The following ARPC2 variants were observed in gnomAD, a reference collection of about 807,000 sequenced individuals.
ARPC2 encodes the protein actin related protein 2/3 complex subunit 2, also known as actin-related protein 2/3 complex subunit 2.
Under a neutral mutation model 38.6 loss-of-function variants are expected in ARPC2, and 4 were observed. That is an observed-to-expected ratio of 0.10 (90% CI 0.05 to 0.24). The LOEUF (loss-of-function observed/expected upper bound fraction) is 0.24, where lower values mean the gene tolerates loss of function less well. ARPC2 is among the 10% of genes least tolerant of loss of function. ARPC2 has a pLI of 1.00. For synonymous variants in ARPC2, 125 were observed against 140.8 expected (o/e 0.89, Z 0.79); for missense variants, 229 against 387.3 (o/e 0.59, Z 3.43).
chr2:218,251,910 T>C (rs916031550), intron 10 of ARPC2, among the ~76,000 whole-genome samples: 3 of 151,844 alleles, frequency 2.0e-5, no homozygotes, highest in Non-Finnish European at 4.4e-5. Context: ...TAGGTGAGGG[T>C]TTTCAGACAT....
chr2:218,242,157 G>C (rs901397623), intron 7 of ARPC2, among the ~76,000 whole-genome samples: 2 of 152,152 alleles, frequency 1.3e-5, no homozygotes, highest in Non-Finnish European at 1.5e-5. Flanking sequence ...GGCTCTGAGG[G>C]ATGCTTTCTA....
chr2:218,235,065 T>C (rs1184421346), intron 5 of ARPC2: 1 of 282,694 alleles, frequency 3.5e-6, no homozygotes, highest in Non-Finnish European at 7.1e-6. Context: ...CATTGGAACA[T>C]AATATTTTTT....
At chr2:218,227,893 C>T (rs113541141) in intron 3 of ARPC2, among the ~76,000 whole-genome samples, 8 of 152,242 alleles carry the variant, frequency 5.3e-5, no homozygotes, top group East Asian at 1.9e-4. Context: ...CCACTGTGCC[C>T]GGCCTTGACT....
chr2:218,253,961 C>T lies in ARPC2; in HGVS notation c.*46C>T, dbSNP rs750992729. The T allele has an allele frequency of 6.2e-7, 1 of 1,610,680 alleles. No homozygotes were observed. Among genetic ancestry groups the T allele is most frequent in the Non-Finnish European group, 8.5e-7 (1 of 1,177,048 alleles). ...AGCGGCTGGCAACTGAAGGCTGGAA[C>T]ACTTGCTACTGGATAATCGTAGCTT... On this transcript the variant is annotated 3_prime_UTR_variant, in exon 11 of 11. Coordinates refer to ENST00000315717, the MANE Select transcript of ARPC2 (RefSeq NM_152862.3).
intron 9 of ARPC2, 52 bp downstream of exon 9, chr2:218,249,516 C>A: frequency 1.5e-6 from 2 of 1,370,906 alleles, no homozygotes; most frequent in Non-Finnish European, 2.0e-6. Context: ...TTTTCCTCCA[C>A]CAGAACTCCT....
chr2:218,244,320 T>G (rs2106156947), intron 7 of ARPC2, among the ~76,000 whole-genome samples: 1 of 152,352 alleles, frequency 6.6e-6, no homozygotes, highest in East Asian at 1.9e-4. Flanking sequence ...ATCTTTCTTT[T>G]GCCACTAATT....
At chr2:218,246,038 ACT>A (rs1292688631) in intron 8 of ARPC2, among the ~76,000 whole-genome samples, 1 of 151,538 alleles carries the variant, frequency 6.6e-6, no homozygotes, top group Non-Finnish European at 1.5e-5. Flanking sequence ...ATGTGGTGAA[ACT>A]CTGTCTCTAC....
At chr2:218,245,865 A>C (rs989557029) in intron 8 of ARPC2, among the ~76,000 whole-genome samples, 2 of 152,140 alleles carry the variant, frequency 1.3e-5, no homozygotes, top group African/African-American at 4.8e-5. Context: ...GACTATAGCT[A>C]CTTCCTCAGT....
chr2:218,250,119 A>G (rs757635026), intron 10 of ARPC2, among the ~76,000 whole-genome samples, 198 bp downstream of exon 10: 1 of 152,188 alleles, frequency 6.6e-6, no homozygotes, highest in Admixed American at 6.5e-5. Flanking sequence ...TTGTTTCCGT[A>G]TCTTTGTGAG....
chr2:218,245,388 C>T, intron 7 of ARPC2, 32 bp from the exon 8 acceptor site: 1 of 1,613,520 alleles, frequency 6.2e-7, no homozygotes, highest in Non-Finnish European at 8.5e-7. Context: ...ACACCCACTT[C>T]TCTTCTGGTT....
rs976121282 is a variant in ARPC2 at position 218,225,949 on chromosome 2, T to C, written c.104T>C (p.Phe35Ser). 6.2e-7 allele frequency: 1 copy of C among 1,613,660 alleles called. No homozygotes were observed. Among genetic ancestry groups the C allele is most frequent in the Admixed American group, 1.7e-5 (1 of 60,004 alleles). The change falls in exon 3 of 11, where the codon TTT (phenylalanine) becomes TCT (serine). Residue 35 changes from phenylalanine to serine, a missense_variant. Physicochemically the swap from Phe to Ser is radical, Grantham distance 155. This residue lies in a region of ARPC2 where 135 missense variants were observed against 214.1 expected (regional missense o/e 0.63). Transcript: ENST00000315717. ...AAACCGGAAGCAGTAGAAGTAACAT[T>C]TGCAGGTAAGCATCTTTATCTCAGC... ...GNKPEAVEVTFADFDGVLYHI... is the reference protein window; with the variant it reads ...GNKPEAVEVTSADFDGVLYHI...
intron 6 of ARPC2, 29 bp downstream of exon 6, chr2:218,238,879 G>A (rs1574587455): frequency 1.3e-6 from 2 of 1,529,552 alleles, no homozygotes; most frequent in South Asian, 1.2e-5. Context: ...CCTGAAGCCT[G>A]GATATGGCTG....
rs114375186 is a variant in ARPC2, at chr2:218,231,498, C to T, written c.222+2648C>T. On this transcript the variant is annotated intron_variant, in intron 4 of 10. Coordinates refer to ENST00000315717, the MANE Select transcript of ARPC2 (RefSeq NM_152862.3). ...ATACCAATAGTACGTGCAACACAGA[C>T]TTGTAGCTCAGAGGTCGCATGCTGT... Among the ~76,000 whole-genome samples, 535 of 152,300 alleles carry T rather than the reference C, an allele frequency of 3.5e-3. 3 individuals carry two copies. Among genetic ancestry groups the T allele is most frequent in the African/African-American group, 0.012 (516 of 41,568 alleles).
intron 7 of ARPC2, among the ~76,000 whole-genome samples, chr2:218,241,502 A>G (rs955130302): frequency 2.0e-5 from 3 of 152,242 alleles, no homozygotes; most frequent in Admixed American, 2.0e-4. Context: ...GCAGTAGCTC[A>G]GAAATTGGGC....
intron 8 of ARPC2, among the ~76,000 whole-genome samples, chr2:218,248,362 G>T (rs1480655610): frequency 6.6e-6 from 1 of 152,220 alleles, no homozygotes; most frequent in Admixed American, 6.5e-5. Context: ...GGGTTTTGCA[G>T]ATAGTGAGTA....
At chr2:218,226,814 G>A (rs1469949850) in intron 3 of ARPC2, among the ~76,000 whole-genome samples, 1 of 149,864 alleles carries the variant, frequency 6.7e-6, no homozygotes, top group Non-Finnish European at 1.5e-5. Flanking sequence ...TTTTTTTGTT[G>A]TGTTTTTTTT....
intron 3 of ARPC2, 36 bp downstream of exon 3, chr2:218,225,990 T>C (rs1286204713): frequency 6.2e-7 from 1 of 1,608,934 alleles, no homozygotes; most frequent in African/African-American, 1.3e-5. Context: ...GAAGAGAAGG[T>C]ACAATATGAA....
chr2:218,251,948 C>T (rs999086108), intron 10 of ARPC2, among the ~76,000 whole-genome samples: 4 of 151,922 alleles, frequency 2.6e-5, no homozygotes, highest in Middle Eastern at 3.4e-3. Flanking sequence ...AGGCCAGGTG[C>T]GGTGGCTCAC....
intron 5 of ARPC2, chr2:218,235,156 C>T: frequency 3.6e-6 from 1 of 275,422 alleles, no homozygotes; most frequent in Non-Finnish European, 7.1e-6. Context: ...ACAGCAGTTA[C>T]TTGTGCTAGC....
Sources: allele counts gnomAD v4.1 joint callset (sites outside exome capture counted in the v4.1 genomes callset), GRCh38; gene constraint gnomAD v4.1.1; regional missense constraint gnomAD v4.1.1; transcripts MANE v1.5; gene names NCBI Gene and HGNC (gene_info 2026-07-23, HGNC 2026-07-21).